The following ST6GALNAC3 variants were observed in gnomAD, a reference collection of about 807,000 sequenced individuals.
ST6GALNAC3 encodes the protein alpha-N-acetylgalactosaminide alpha-2,6-sialyltransferase 3.
In ST6GALNAC3, 25 loss-of-function variants were observed where a neutral mutation model predicts 32.7. The observed-to-expected ratio is 0.76, with a 90% CI of 0.56 to 1.07. The LOEUF is 1.07. Ranked by LOEUF, ST6GALNAC3 falls within the 50% of genes least tolerant of loss-of-function variation. The pLI, the probability that ST6GALNAC3 is intolerant of heterozygous loss-of-function variation, is 0.00. For synonymous variants in ST6GALNAC3, 129 were observed against 133.1 expected (o/e 0.97, Z 0.21); for missense variants, 355 against 382.4 (o/e 0.93, Z 0.60).
chr1:76,181,214 CT>C (rs1018704203), intron 1 of ST6GALNAC3, among the ~76,000 whole-genome samples: 4 of 152,216 alleles, frequency 2.6e-5, no homozygotes, highest in Admixed American at 2.6e-4. Context: ...GGGAACCCCC[CT>C]GTTTCACCGT....
rs79959034 is a variant in ST6GALNAC3, at chr1:76,360,177, G to A, written c.213+46178G>A. 6.8e-3 allele frequency among the ~76,000 whole-genome samples: 1,033 copies of A among 152,172 alleles called. 6 individuals are homozygous for A. Among genetic ancestry groups the A allele is most frequent in the African/African-American group, 0.024 (1,007 of 41,524 alleles). On this transcript the variant is annotated intron_variant, in intron 2 of 4. Transcript: ENST00000328299. ...GCTTTTAATCAACCATAGCTCCCAG[G>A]AATAGAATGGAATAGAAAACCTACC...
chr1:76,200,339 A>G (rs894779269), intron 1 of ST6GALNAC3, among the ~76,000 whole-genome samples: 2 of 152,214 alleles, frequency 1.3e-5, no homozygotes, highest in Non-Finnish European at 2.9e-5. Flanking sequence ...GACAAGCAAC[A>G]GAGAGAAAGA....
At chr1:76,602,673 T>C (rs142065687) in intron 3 of ST6GALNAC3, among the ~76,000 whole-genome samples, 1 of 152,210 alleles carries the variant, frequency 6.6e-6, no homozygotes, top group East Asian at 1.9e-4. Flanking sequence ...GATGGATGCA[T>C]TTGATTACTT....
At chr1:76,519,318 T>A (rs1420304249) in intron 3 of ST6GALNAC3, among the ~76,000 whole-genome samples, 1 of 152,178 alleles carries the variant, frequency 6.6e-6, no homozygotes, top group African/African-American at 2.4e-5. Context: ...TTAAAAATTA[T>A]GTTTTCTCAG....
At chr1:76,399,375 T>C (rs1653230154) in intron 2 of ST6GALNAC3, among the ~76,000 whole-genome samples, 1 of 152,208 alleles carries the variant, frequency 6.6e-6, no homozygotes, top group Non-Finnish European at 1.5e-5. Context: ...AGGGTCTAGA[T>C]TCACCTTTTT....
intron 1 of ST6GALNAC3, among the ~76,000 whole-genome samples, chr1:76,116,733 CCA>C (rs1648506828): frequency 6.6e-6 from 1 of 152,122 alleles, no homozygotes; most frequent in Admixed American, 6.5e-5. Flanking sequence ...GAATTCCAGA[CCA>C]GCCTTGCCAA....
chr1:76,278,206 C>CCACTTGATCTTAGCCAAAAGGCCGAGA (rs1553172672), intron 1 of ST6GALNAC3, among the ~76,000 whole-genome samples: 8 of 141,850 alleles, frequency 5.6e-5, no homozygotes, highest in East Asian at 2.3e-4. Flanking sequence ...CATGTATTCT[C>CCACTTGATCTTAGCCAAAAGGCCGAGA]ATTATTGCTA....
intron 1 of ST6GALNAC3, among the ~76,000 whole-genome samples, chr1:76,163,301 T>G (rs1349069047): frequency 6.6e-6 from 1 of 152,248 alleles, no homozygotes; most frequent in African/African-American, 2.4e-5. Context: ...GATTTTGTAT[T>G]ATGAGTCTCC....
At chr1:76,465,744 C>G (rs1433546615) in intron 3 of ST6GALNAC3, among the ~76,000 whole-genome samples, 2 of 151,678 alleles carry the variant, frequency 1.3e-5, no homozygotes, top group Non-Finnish European at 2.9e-5. Context: ...ACAGATTTTC[C>G]TGTTGGTGAG....
chr1:76,191,147 T>C (rs1653871795), intron 1 of ST6GALNAC3, among the ~76,000 whole-genome samples: 2 of 152,124 alleles, frequency 1.3e-5, no homozygotes, highest in African/African-American at 2.4e-5. Flanking sequence ...AGGTCCTAGC[T>C]AGAGATGGAG....
At chr1:76,455,656 A>AT (rs1657722515) in intron 3 of ST6GALNAC3, among the ~76,000 whole-genome samples, 1 of 151,910 alleles carries the variant, frequency 6.6e-6, no homozygotes, top group Non-Finnish European at 1.5e-5. Context: ...GAGGGAAAAA[A>AT]TTTTTTGCCT....
intron 3 of ST6GALNAC3, chr1:76,576,881 G>A (rs1420354663): frequency 2.3e-6 from 3 of 1,304,560 alleles, no homozygotes; most frequent in Non-Finnish European, 2.0e-6. Flanking sequence ...TGATCGAACA[G>A]CAACCACCAC....
chr1:76,413,963 ACCTATAAGC>A, intron 3 of ST6GALNAC3, among the ~76,000 whole-genome samples: 1 of 152,142 alleles, frequency 6.6e-6, no homozygotes, highest in East Asian at 1.9e-4. Flanking sequence ...ACCCAGACAT[ACCTATAAGC>A]CCTAGAGTCA....
At chr1:76,439,285 G>T (rs1656375459) in intron 3 of ST6GALNAC3, among the ~76,000 whole-genome samples, 1 of 152,222 alleles carries the variant, frequency 6.6e-6, no homozygotes, top group African/African-American at 2.4e-5. Context: ...GTGCAGTGGA[G>T]AGTCTTTGCC....
At chr1:76,257,916 G>A (rs2100718638) in intron 1 of ST6GALNAC3, among the ~76,000 whole-genome samples, 2 of 152,192 alleles carry the variant, frequency 1.3e-5, no homozygotes, top group Admixed American at 1.3e-4. Flanking sequence ...GCTCTATAAA[G>A]CAGATGAAAA....
rs888822965 is a variant in ST6GALNAC3, at chr1:76,632,005, T to C, written c.*3199T>C. The C allele has an allele frequency of 2.6e-5, 4 of 152,096 alleles. No individual in the cohort carries two copies. The highest frequency in any genetic ancestry group is 9.7e-5 in the African/African-American group (4 of 41,426). 9.4% of individuals were successfully genotyped at this position (152,096 alleles called of 1,614,324 possible). A position where few individuals can be genotyped will look rare whatever the true frequency, so the allele number is the denominator to read the frequency against. ...TCAAACCTATCAAAGAAAAGGCAAT[T>C]GGAATTTGGAGGAATGTTTGTATAT... On this transcript the variant is annotated 3_prime_UTR_variant, in exon 5 of 5. Transcript: ENST00000328299.
chr1:76,216,259 C>T (rs747846624), intron 1 of ST6GALNAC3, among the ~76,000 whole-genome samples: 9 of 152,130 alleles, frequency 5.9e-5, no homozygotes, highest in Non-Finnish European at 1.3e-4. Flanking sequence ...CCCCATCTCT[C>T]TTACACACAC....
intron 2 of ST6GALNAC3, among the ~76,000 whole-genome samples, chr1:76,411,453 C>T (rs1178873606): frequency 3.3e-5 from 5 of 152,176 alleles, no homozygotes; most frequent in Non-Finnish European, 7.4e-5. Flanking sequence ...TCTGAAGGGT[C>T]TCTGTAATAT....
chr1:76,430,991 C>T (rs73006137), intron 3 of ST6GALNAC3, among the ~76,000 whole-genome samples: 7,652 of 152,142 alleles, frequency 0.05, 659 homozygotes, highest in African/African-American at 0.17. Context: ...ACCCTGAACT[C>T]AAAGACCTTT....
Sources: gnomAD v4.1 joint callset for allele counts (sites outside exome capture counted in the v4.1 genomes callset) on GRCh38, gnomAD v4.1.1 for gene constraint, MANE v1.5 for transcripts, NCBI Gene and HGNC (gene_info 2026-07-23, HGNC 2026-07-21) for gene names.